B4GALNT3: variants seen among roughly 807,000 people sequenced by gnomAD.
The protein encoded by B4GALNT3 is beta-1,4-N-acetyl-galactosaminyltransferase 3, also known as beta-1,4-N-acetylgalactosaminyltransferase 3.
In B4GALNT3, 86 loss-of-function variants were observed where a neutral mutation model predicts 120.2. That is an observed-to-expected ratio of 0.72 (90% CI 0.60 to 0.86). The LOEUF (loss-of-function observed/expected upper bound fraction) is 0.86, where lower values mean the gene tolerates loss of function less well. Among genes scored for constraint, B4GALNT3 ranks in the 40% least tolerant of loss-of-function variants. The pLI is 0.00. For missense variants in B4GALNT3, 1,167 were observed against 1,298.9 expected (o/e 0.90, Z 1.56); for synonymous variants, 518 against 510.4 (o/e 1.01, Z -0.20).
intron 3 of B4GALNT3, among the ~76,000 whole-genome samples, chr12:542,318 C>T (rs1158747365): frequency 6.6e-6 from 1 of 152,068 alleles, no homozygotes; most frequent in Non-Finnish European, 1.5e-5. Flanking sequence ...CCTGGGACCT[C>T]GGGCACTCCT....
chr12:563,160 CT>C lies in B4GALNT3; in HGVS notation c.*1710del, dbSNP rs1187241168. The C allele has an allele frequency of 6.6e-6, 1 of 152,508 alleles. No individual in the cohort carries two copies. The highest frequency in any genetic ancestry group is 1.5e-5 in the Non-Finnish European group (1 of 68,258). The allele number at this position is 152,508 out of a possible 1,614,324, so 9.4% of individuals were successfully genotyped here. ...GGTCCCTGCTGAGGCCGACTGGCCC[CT>C]GGAGAAGGATGGTGGGGCATAGGCT... On this transcript the variant is annotated 3_prime_UTR_variant, in exon 20 of 20. Coordinates refer to ENST00000266383, the MANE Select transcript of B4GALNT3 (RefSeq NM_173593.4).
At chr12:512,238 A>C (rs1946586442) in intron 1 of B4GALNT3, among the ~76,000 whole-genome samples, 2 of 48,862 alleles carry the variant, frequency 4.1e-5, no homozygotes, top group Admixed American at 2.7e-4. Context: ...TCCACCTTCC[A>C]CCTTCCACCT....
intron 3 of B4GALNT3, 121 bp downstream of exon 3, chr12:536,416 G>C (rs925048412): frequency 1.3e-5 from 9 of 691,684 alleles, no homozygotes; most frequent in Non-Finnish European, 2.1e-5. Context: ...CTCTTTGAGA[G>C]AGCTAAAAAA....
chr12:545,953 CGAGGAGTGGGGAGGTGA>C (rs1946999489), intron 6 of B4GALNT3, among the ~76,000 whole-genome samples: 1 of 15,424 alleles, frequency 6.5e-5, no homozygotes, highest in African/African-American at 3.2e-4. Context: ...TGGGGAGGTG[CGAGGAGTGGGGAGGTGA>C]GAGGAGTGGG....
intron 1 of B4GALNT3, among the ~76,000 whole-genome samples, chr12:485,835 C>G (rs1946285725): frequency 6.6e-6 from 1 of 152,156 alleles, no homozygotes; most frequent in Non-Finnish European, 1.5e-5. Context: ...GCTGAACAGA[C>G]TGGGAAATCG....
In B4GALNT3 at chr12:511,312, C is replaced by CTTCCACCTT. The variant is rs57525222; in HGVS notation, c.170-23854_170-23853insTTCCACCTT. On this transcript the variant is annotated intron_variant, in intron 1 of 19. Coordinates refer to ENST00000266383, the MANE Select transcript of B4GALNT3 (RefSeq NM_173593.4). ...CCTTCGACCTTCCACCTTCCACCTT[C>CTTCCACCTT]CGCCTTCTGCCTTCCACCTTCCACC... 4.8e-4 allele frequency among the ~76,000 whole-genome samples: 50 copies of CTTCCACCTT among 103,516 alleles called. 1 individual carries two copies. The highest frequency in any genetic ancestry group is 1.1e-3 in the South Asian group (3 of 2,774). The allele number at this position is 103,516 out of a possible 152,430, so 67.9% of individuals were successfully genotyped here. A position where few individuals can be genotyped will look rare whatever the true frequency, so the allele number is the denominator to read the frequency against.
At chr12:555,826 C>T (rs1947146328) in intron 14 of B4GALNT3, among the ~76,000 whole-genome samples, 2 of 151,926 alleles carry the variant, frequency 1.3e-5, no homozygotes, top group South Asian at 2.1e-4. Flanking sequence ...GCTCTGTCGC[C>T]CAGGCTGGAG....
intron 3 of B4GALNT3, chr12:543,184 A>G: frequency 7.8e-7 from 1 of 1,289,482 alleles, no homozygotes; most frequent in Non-Finnish European, 1.0e-6. Flanking sequence ...AGGCCAGGCC[A>G]TGGGGTGAAC....
At position 535,171 on chromosome 12, in the gene B4GALNT3, G is replaced by A. The variant is rs2075033; in HGVS notation, c.175G>A (p.Gly59Ser). 129,282 of 1,611,692 alleles carry A rather than the reference G, an allele frequency of 0.08. 5,670 individuals are homozygous for A. Among genetic ancestry groups the A allele is most frequent in the East Asian group, 0.16 (7,108 of 44,844 alleles). The part of the protein sequence containing the change: ...VGGNPLNRRY[G>S]SWRELAKALA... ...CCTCTCTTCCCCTTCCACAGGGTACGGCAGCTGGAGAGAACTGGCCAAGGC... is the reference window on the plus strand; with the variant it reads ...CCTCTCTTCCCCTTCCACAGGGTACAGCAGCTGGAGAGAACTGGCCAAGGC... Residue 59 changes from glycine to serine, a missense_variant, in exon 2 of 20, where the codon GGC (glycine) becomes AGC (serine). Physicochemically the swap from Gly to Ser is moderately conservative, Grantham distance 56 (BLOSUM62 0). Transcript: ENST00000266383.
chr12:560,646 G>A (rs1241309789), intron 19 of B4GALNT3, among the ~76,000 whole-genome samples: 2 of 152,198 alleles, frequency 1.3e-5, no homozygotes, highest in Admixed American at 6.5e-5. Flanking sequence ...GATCAAAGGA[G>A]CCCCCAGGGC....
chr12:510,826 C>T (rs996584359), intron 1 of B4GALNT3, among the ~76,000 whole-genome samples: 21 of 152,036 alleles, frequency 1.4e-4, no homozygotes, highest in African/African-American at 4.8e-4. Flanking sequence ...TCTCAGTGCC[C>T]ATCTGAGTAT....
At chr12:472,982 T>C (rs1442454174) in intron 1 of B4GALNT3, among the ~76,000 whole-genome samples, 3 of 780 alleles carry the variant, frequency 3.8e-3, no homozygotes. Context: ...AACACTTTTT[T>C]TTTTTTTTTT....
intron 1 of B4GALNT3, among the ~76,000 whole-genome samples, chr12:476,838 C>A (rs921360401): frequency 2.6e-5 from 4 of 152,194 alleles, no homozygotes; most frequent in African/African-American, 9.7e-5. Context: ...AAACCAAAAG[C>A]AAAGCAGAAG....
At chr12:462,567 T>C (rs1592005237) in intron 1 of B4GALNT3, among the ~76,000 whole-genome samples, 1 of 151,932 alleles carries the variant, frequency 6.6e-6, no homozygotes, top group Admixed American at 6.6e-5. Flanking sequence ...AAACCAATTA[T>C]CCAGAAAACT....
chr12:495,378 G>A (rs985452734), intron 1 of B4GALNT3, among the ~76,000 whole-genome samples: 10 of 151,974 alleles, frequency 6.6e-5, no homozygotes, highest in Admixed American at 1.3e-4. Context: ...TTTCCCCTTA[G>A]TCCCCCTAAC....
In B4GALNT3 at chr12:480,627, C is replaced by T. The variant is rs560632080; in HGVS notation, c.169+20082C>T. ...GCCTGGGTTCCTATTGGTGACCTCG[C>T]CTTCTCGTTCAAGCAGGACGGGGAG... On this transcript the variant is annotated intron_variant, in intron 1 of 19. Transcript: ENST00000266383. Among the ~76,000 whole-genome samples, 10 of 152,242 alleles carry T rather than the reference C, an allele frequency of 6.6e-5. No homozygotes were observed. The East Asian group carries it at 1.9e-3, about 29-fold the overall frequency.
chr12:489,510 G>C (rs1321839598), intron 1 of B4GALNT3, among the ~76,000 whole-genome samples: 2 of 152,116 alleles, frequency 1.3e-5, no homozygotes, highest in Non-Finnish European at 2.9e-5. Context: ...GATTGTCAGA[G>C]TGCATCTAAA....
At position 532,706 on chromosome 12, in the gene B4GALNT3, G is replaced by A. The variant is rs560722260; in HGVS notation, c.170-2460G>A. On this transcript the variant is annotated intron_variant, in intron 1 of 19. Coordinates refer to ENST00000266383, the MANE Select transcript of B4GALNT3 (RefSeq NM_173593.4). ...GAATTCTTGCTGAAAACTGGACTAGGTAGGCCCAGGACAGGGCCCAAGGAT... is the reference window on the plus strand; with the variant it reads ...GAATTCTTGCTGAAAACTGGACTAGATAGGCCCAGGACAGGGCCCAAGGAT... Among the ~76,000 whole-genome samples the A allele has an allele frequency of 2.6e-5, 4 of 152,282 alleles. No individual in the cohort carries two copies. The South Asian group carries it at 6.2e-4, about 24-fold the overall frequency.
At chr12:493,514 CT>C (rs1946362720) in intron 1 of B4GALNT3, among the ~76,000 whole-genome samples, 1 of 151,844 alleles carries the variant, frequency 6.6e-6, no homozygotes, top group Non-Finnish European at 1.5e-5. Context: ...TTGGCAGTTT[CT>C]TTCAAAACTC....
Sources: allele counts gnomAD v4.1 joint callset (sites outside exome capture counted in the v4.1 genomes callset), GRCh38; gene constraint gnomAD v4.1.1; transcripts MANE v1.5; gene names NCBI Gene and HGNC (gene_info 2026-07-23, HGNC 2026-07-21).